EVL: variants seen among roughly 807,000 people sequenced by gnomAD.
The protein encoded by EVL is ena/VASP-like protein.
Under a neutral mutation model 59.6 loss-of-function variants are expected in EVL, and 21 were observed. The observed-to-expected ratio is 0.35, with a 90% CI of 0.25 to 0.51. The LOEUF (loss-of-function observed/expected upper bound fraction) is 0.51. Among genes scored for constraint, EVL ranks in the 20% least tolerant of loss-of-function variants. The pLI, the probability that EVL is intolerant of heterozygous loss-of-function variation, is 0.97. For missense variants in EVL, 462 were observed against 546.6 expected (o/e 0.85, Z 1.54); for synonymous variants, 198 against 203.5 (o/e 0.97, Z 0.23).
At chr14:100,093,333 T>G (rs1224306510) in intron 2 of EVL, among the ~76,000 whole-genome samples, 1 of 152,228 alleles carries the variant, frequency 6.6e-6, no homozygotes, top group African/African-American at 2.4e-5. Context: ...ATTTATAATA[T>G]TATCTTCATC....
At position 100,127,154 on chromosome 14, in the gene EVL, G is replaced by A. The variant is rs930261746; in HGVS notation, c.487+383G>A. 6.6e-6 allele frequency among the ~76,000 whole-genome samples: 1 copy of A among 152,224 alleles called. No individual in the cohort carries two copies. Among genetic ancestry groups the A allele is most frequent in the Non-Finnish European group, 1.5e-5 (1 of 68,044 alleles). On this transcript the variant is annotated intron_variant, in intron 5 of 13. Coordinates refer to ENST00000392920, the MANE Select transcript of EVL (RefSeq NM_016337.3). This position sits in a 1 kb window ranked among gnomAD's most constrained non-coding sequence, Gnocchi z 4.2. ...CTTGTCATGTCACGTAGTGAACACT[G>A]TGGCAAGTGACGTGCAGGTGCTGAA...
intron 1 of EVL, among the ~76,000 whole-genome samples, chr14:100,067,012 C>T (rs1265454650): frequency 2.0e-5 from 3 of 152,192 alleles, no homozygotes; most frequent in South Asian, 2.1e-4. Context: ...CTCTTGAGTG[C>T]GCAGATCAGG....
At chr14:100,112,272 C>G (rs1253415817) in intron 3 of EVL, among the ~76,000 whole-genome samples, 1 of 152,174 alleles carries the variant, frequency 6.6e-6, no homozygotes, top group Non-Finnish European at 1.5e-5. Flanking sequence ...GGCCCTGCCC[C>G]CTGCCTATCT....
intron 1 of EVL, among the ~76,000 whole-genome samples, chr14:99,977,690 C>G (rs1191024): frequency 6.6e-6 from 1 of 151,894 alleles, no homozygotes; most frequent in Non-Finnish European, 1.5e-5. Flanking sequence ...CACCTCGGCC[C>G]CCCAAAGTGC....
chr14:100,090,236 A>G (rs928132797), intron 2 of EVL, among the ~76,000 whole-genome samples: 1 of 152,254 alleles, frequency 6.6e-6, no homozygotes, highest in Non-Finnish European at 1.5e-5. Flanking sequence ...AGAAAACACA[A>G]ATTGCCAATA....
At chr14:100,075,899 A>T (rs1199095077) in intron 1 of EVL, among the ~76,000 whole-genome samples, 3 of 152,148 alleles carry the variant, frequency 2.0e-5, no homozygotes, top group Non-Finnish European at 4.4e-5. Context: ...ACAAAGCCTG[A>T]TGTTCTCCCT....
At position 100,132,733 on chromosome 14, in the gene EVL, C is replaced by A. The variant is rs147834035; in HGVS notation, c.854C>A (p.Ser285Tyr). ...TCTGTGCCTAGGAGAAAAGCAGCCT[C>A]CCAGTCAGACAAGCCAGCCGAGAAG... is the stretch of plus-strand genomic sequence containing the variant. ...KLLAKRRKAA[S>Y]QSDKPAEKKE... The change falls in exon 8 of 14, where the codon TCC (serine) becomes TAC (tyrosine). Residue 285 changes from serine to tyrosine, a missense_variant. Ser to Tyr is a moderately radical substitution (Grantham distance 144). Coordinates refer to ENST00000392920, the MANE Select transcript of EVL (RefSeq NM_016337.3). The A allele has an allele frequency of 6.8e-6, 11 of 1,614,076 alleles. No homozygotes were observed. The highest frequency in any genetic ancestry group is 9.3e-6 in the Non-Finnish European group (11 of 1,180,044).
intron 1 of EVL, among the ~76,000 whole-genome samples, chr14:100,035,626 G>A (rs747891693): frequency 6.6e-6 from 1 of 152,134 alleles, no homozygotes; most frequent in African/African-American, 2.4e-5. Flanking sequence ...AAAGAAACAA[G>A]TATCAGTTTG....
intron 3 of EVL, among the ~76,000 whole-genome samples, chr14:100,105,678 T>C (rs775548591): frequency 2.0e-5 from 3 of 151,752 alleles, no homozygotes; most frequent in Non-Finnish European, 2.9e-5. Flanking sequence ...GTCTGTGAAA[T>C]GTAGGTGGTT....
chr14:100,098,020 T>G (rs1462776908), intron 3 of EVL, among the ~76,000 whole-genome samples: 1 of 152,194 alleles, frequency 6.6e-6, no homozygotes, highest in Non-Finnish European at 1.5e-5. Flanking sequence ...AATTATTCAT[T>G]CATATGTTTA....
intron 1 of EVL, among the ~76,000 whole-genome samples, chr14:100,003,713 C>T (rs2060960570): frequency 6.6e-6 from 1 of 152,194 alleles, no homozygotes; most frequent in South Asian, 2.1e-4. Context: ...GCCCCCACAC[C>T]TGGCCGATAA....
At chr14:100,002,426 A>G (rs549943519) in intron 1 of EVL, among the ~76,000 whole-genome samples, 1 of 152,222 alleles carries the variant, frequency 6.6e-6, no homozygotes, top group Non-Finnish European at 1.5e-5. Flanking sequence ...TGTGGCACAC[A>G]ATAATTTAAC....
At chr14:100,050,607 G>C (rs1430378218) in intron 1 of EVL, among the ~76,000 whole-genome samples, 1 of 151,912 alleles carries the variant, frequency 6.6e-6, no homozygotes, top group Non-Finnish European at 1.5e-5. Flanking sequence ...AAAGTGCTGG[G>C]ATTACAGGTG....
Position 99,972,076 on chromosome 14 carries a change from C to G in EVL, c.5+19C>G. On this transcript the variant is annotated intron_variant, in intron 1 of 13. Transcript: ENST00000402714. This position sits in a 1 kb window ranked among gnomAD's most constrained non-coding sequence, Gnocchi z 4.4. ...CAATGAGGTGAGTCGGGGCCGGCGC[C>G]TCGTGGGAGGTGGCAGCGGCCAGCG... 1 of 312,998 alleles carries G rather than the reference C, an allele frequency of 3.2e-6. No individual in the cohort carries two copies. The highest frequency in any genetic ancestry group is 5.8e-6 in the Non-Finnish European group (1 of 171,188). 19.4% of individuals were successfully genotyped at this position (312,998 alleles called of 1,614,324 possible).
chr14:100,124,429 T>C (rs1356775210), intron 4 of EVL, among the ~76,000 whole-genome samples: 1 of 152,224 alleles, frequency 6.6e-6, no homozygotes, highest in Non-Finnish European at 1.5e-5. Context: ...AATGAATGCC[T>C]TGCAACCTTG....
chr14:100,050,949 T>TG (rs2061638674), intron 1 of EVL, among the ~76,000 whole-genome samples: 1 of 150,694 alleles, frequency 6.6e-6, no homozygotes, highest in Middle Eastern at 3.5e-3. Context: ...GGTCTTACTG[T>TG]GTTGCCCAGG....
chr14:100,103,575 T>C (rs995721427), intron 3 of EVL, among the ~76,000 whole-genome samples: 2 of 152,156 alleles, frequency 1.3e-5, no homozygotes, highest in African/African-American at 4.8e-5. Context: ...TTTCCTCTCC[T>C]ACTGGGTTTC....
At chr14:100,029,266 A>G (rs995633147) in intron 1 of EVL, among the ~76,000 whole-genome samples, 2 of 152,176 alleles carry the variant, frequency 1.3e-5, no homozygotes, top group Non-Finnish European at 2.9e-5. Flanking sequence ...TTGGGTCTCT[A>G]TGTCTCCTGC....
intron 1 of EVL, among the ~76,000 whole-genome samples, chr14:100,032,631 C>T (rs751352743): frequency 1.1e-4 from 17 of 152,164 alleles, no homozygotes; most frequent in South Asian, 6.2e-4. Flanking sequence ...TCTGGATCTG[C>T]ACTCACCACT....
Sources: gnomAD v4.1 joint callset for allele counts (sites outside exome capture counted in the v4.1 genomes callset) on GRCh38, gnomAD v4.1.1 for gene constraint, Gnocchi (gnomAD v3.1) non-coding constraint, MANE v1.5 for transcripts, NCBI Gene and HGNC (gene_info 2026-07-23, HGNC 2026-07-21) for gene names.